Variants in ERICH1 observed in about 807,000 individuals in gnomAD.
The protein encoded by ERICH1 is glutamate rich 1, also known as glutamate-rich protein 1.
A neutral mutation model predicts 39.6 loss-of-function variants in ERICH1; 56 were observed. That is an observed-to-expected ratio of 1.41 (90% CI 1.14 to 1.77). The LOEUF is 1.77. Ranked by LOEUF, ERICH1 falls within the 40% of genes most tolerant of loss-of-function variation. The pLI is 0.00. For synonymous variants in ERICH1, 313 were observed against 223.6 expected (o/e 1.40, Z -3.57); for missense variants, 826 against 575.4 (o/e 1.44, Z -4.45).
At chr8:650,548 C>G (rs1258980400) in intron 3 of ERICH1, among the ~76,000 whole-genome samples, 1 of 152,198 alleles carries the variant, frequency 6.6e-6, no homozygotes, top group Non-Finnish European at 1.5e-5. Flanking sequence ...GCAGGTACCC[C>G]CGAGGCCGGC....
intron 3 of ERICH1, among the ~76,000 whole-genome samples, chr8:650,546 C>A (rs1210190614): frequency 6.6e-6 from 1 of 152,164 alleles, no homozygotes; most frequent in African/African-American, 2.4e-5. Context: ...CTGCAGGTAC[C>A]CCCGAGGCCG....
downstream of ERICH1, among the ~76,000 whole-genome samples, chr8:660,181 C>T (rs192791989): frequency 1.6e-3 from 245 of 150,300 alleles, 1 homozygote; most frequent in African/African-American, 5.3e-3. Context: ...CCCCGACTCT[C>T]CCCCTGGCCC....
rs78767199 is a variant in ERICH1 at position 673,595 on chromosome 8, C to T, written c.757G>A (p.Ala253Thr). The change falls in exon 4 of 6, where the codon GCC becomes ACC. Residue 253 changes from alanine to threonine, a missense_variant. By Grantham distance (58) the Ala-to-Thr change is moderately conservative. Transcript: ENST00000262109. ...GCCGGTGTCGGATCTTCCTCACTGG[C>T]GTCCGCACCCTCTTCCTGCCTGGCC... The part of the protein sequence containing the change: ...TRARQEEGAD[A>T]SEEDPTPAGE... The T allele has an allele frequency of 1.0e-5, 16 of 1,539,914 alleles. No individual in the cohort carries two copies. The highest frequency in any genetic ancestry group is 7.2e-5 in the African/African-American group (5 of 69,062).
At chr8:667,462 C>T (rs1802436634) in intron 5 of ERICH1, 1 of 152,946 alleles carries the variant, frequency 6.5e-6, no homozygotes, top group African/African-American at 2.4e-5. Flanking sequence ...ATCTGCAGCT[C>T]TATGACGCAT....
intron 2 of ERICH1, among the ~76,000 whole-genome samples, chr8:709,603 T>TA (rs1814241011): frequency 6.6e-6 from 1 of 152,224 alleles, no homozygotes; most frequent in Admixed American, 6.5e-5. Flanking sequence ...AAGAGTATCT[T>TA]ACAGATGCCA....
At chr8:618,181 G>T (rs577195599) in intron 3 of ERICH1, among the ~76,000 whole-genome samples, 34 of 144,116 alleles carry the variant, frequency 2.4e-4, no homozygotes, top group African/African-American at 7.8e-4. Context: ...TACTCCATCT[G>T]TTCTCACTGC....
Position 673,902 on chromosome 8 carries a change from C to T in ERICH1, c.450G>A (p.Gln150=), listed in dbSNP as rs1355601656. 1 of 1,613,362 alleles carries T rather than the reference C, an allele frequency of 6.2e-7. No homozygotes were observed. The highest frequency in any genetic ancestry group is 2.2e-5 in the East Asian group (1 of 44,904). The change falls in exon 4 of 6, where the codon CAG becomes CAA. Residue 150 remains glutamine (Q), a synonymous_variant. Coordinates refer to ENST00000262109, the MANE Select transcript of ERICH1 (RefSeq NM_207332.3). The part of the protein sequence containing the change: ...QSLLQEKSQR[Q]HTDGTTISKN... ...TGCTTATTGTGGTGCCATCTGTGTG[C>T]TGTCGCTGAGATTTCTCCTGTAACA...
In ERICH1 at chr8:673,226, G is replaced by C. The variant is rs1371407614; in HGVS notation, c.1063+63C>G. ...GTTTTAACATTTAAGCATTATATTTGTTTCTTTTAATAAACTTTTAAGTGG... is the reference window on the plus strand; with the variant it reads ...GTTTTAACATTTAAGCATTATATTTCTTTCTTTTAATAAACTTTTAAGTGG... On this transcript the variant is annotated intron_variant, in intron 4 of 5. Transcript: ENST00000262109. The C allele has an allele frequency of 2.0e-6, 3 of 1,493,716 alleles. No homozygotes were observed. In the Admixed American group the frequency reaches 6.7e-5, roughly 33 times the overall value. 92.5% of individuals were successfully genotyped at this position (1,493,716 alleles called of 1,614,324 possible).
chr8:730,492 A>C (rs990090908), intron 1 of ERICH1, among the ~76,000 whole-genome samples: 2 of 152,228 alleles, frequency 1.3e-5, no homozygotes, highest in African/African-American at 4.8e-5. Context: ...TGATGATTAC[A>C]CGGTGAGGGT....
intron 3 of ERICH1, among the ~76,000 whole-genome samples, chr8:651,270 C>T (rs1161688116): frequency 2.0e-5 from 3 of 152,178 alleles, no homozygotes; most frequent in Admixed American, 6.5e-5. Flanking sequence ...CCTCATCTCC[C>T]GAACCTGCCT....
At chr8:706,738 C>A (rs1434226636) in intron 2 of ERICH1, among the ~76,000 whole-genome samples, 1 of 152,184 alleles carries the variant, frequency 6.6e-6, no homozygotes, top group Non-Finnish European at 1.5e-5. Flanking sequence ...CCATTGTACT[C>A]TAGCCTGGGC....
chr8:638,824 C>T (rs1331792229), intron 3 of ERICH1, among the ~76,000 whole-genome samples: 1 of 152,102 alleles, frequency 6.6e-6, no homozygotes, highest in Non-Finnish European at 1.5e-5. Flanking sequence ...CTGTCGTCAT[C>T]GAGAGCAAGG....
intron 2 of ERICH1, among the ~76,000 whole-genome samples, chr8:693,928 G>A (rs996215223): frequency 1.3e-5 from 2 of 152,252 alleles, no homozygotes; most frequent in Non-Finnish European, 2.9e-5. Context: ...CTGTCTGGAA[G>A]GTAGCAGGGC....
intron 2 of ERICH1, among the ~76,000 whole-genome samples, chr8:715,137 CAGTG>C (rs1815586440): frequency 1.3e-5 from 2 of 151,882 alleles, no homozygotes; most frequent in Non-Finnish European, 2.9e-5. Flanking sequence ...CCACATCTCT[CAGTG>C]GGATGTGCTG....
At chr8:710,479 T>G (rs28455516) in intron 2 of ERICH1, among the ~76,000 whole-genome samples, 1 of 100,528 alleles carries the variant, frequency 9.9e-6, no homozygotes, top group East Asian at 4.8e-4. Flanking sequence ...ACCTGCTCCT[T>G]CCAGTCCTCG....
intron 3 of ERICH1, among the ~76,000 whole-genome samples, chr8:654,902 T>C (rs1800425405): frequency 6.6e-6 from 1 of 152,206 alleles, no homozygotes; most frequent in South Asian, 2.1e-4. Flanking sequence ...CCTGCCAAGC[T>C]GGAGACAGCG....
At chr8:730,833 C>G (rs996061049) in intron 1 of ERICH1, among the ~76,000 whole-genome samples, 1 of 152,224 alleles carries the variant, frequency 6.6e-6, no homozygotes, top group African/African-American at 2.4e-5. Flanking sequence ...CACTCACCAA[C>G]AGGGGCTCTG....
chr8:723,739 C>G (rs1397903323), intron 1 of ERICH1, among the ~76,000 whole-genome samples: 1 of 152,132 alleles, frequency 6.6e-6, no homozygotes, highest in African/African-American at 2.4e-5. Context: ...TTTCTTTTTT[C>G]AGTAAAAACT....
chr8:688,434 C>G (rs915385821), intron 3 of ERICH1, among the ~76,000 whole-genome samples: 2 of 151,528 alleles, frequency 1.3e-5, no homozygotes, highest in Non-Finnish European at 1.5e-5. Context: ...TCCTTAGCGC[C>G]GCGCCCATTC....
Sources: allele counts gnomAD v4.1 joint callset (sites outside exome capture counted in the v4.1 genomes callset), GRCh38; gene constraint gnomAD v4.1.1; transcripts MANE v1.5; gene names NCBI Gene and HGNC (gene_info 2026-07-23, HGNC 2026-07-21).